Variants in KLHDC9 observed in about 807,000 individuals in gnomAD.
KLHDC9 encodes kelch domain-containing protein 9.
Under a neutral mutation model 31.5 loss-of-function variants are expected in KLHDC9, and 26 were observed. The observed-to-expected ratio is 0.83, with a 90% CI of 0.61 to 1.15. KLHDC9 has a LOEUF of 1.15. Ranked by LOEUF, KLHDC9 falls within the 50% of genes most tolerant of loss-of-function variation. KLHDC9 has a pLI of 0.00. For synonymous variants in KLHDC9, 176 were observed against 184.7 expected, an observed-to-expected ratio of 0.95 and a Z score of 0.38; for missense variants, 437 against 467.7, an observed-to-expected ratio of 0.93 and a Z score of 0.61.
rs78500642 is a variant in KLHDC9 at position 161,099,656 on chromosome 1, G to T, written c.746G>T (p.Gly249Val). Residue 249 changes from glycine to valine, a missense_variant, in exon 3 of 4, where the codon GGG (glycine) becomes GTG (valine). Transcript: ENST00000368011. ...CAGCTTGCAAGGCTTGTGAGCAGTG[G>T]GCAGGGGTCCCAGAAGGGGCCCCAT... ...MEQLARLVSS[G>V]QGSQKGPHGL... is the part of the protein sequence containing the mutation. 8.9e-5 allele frequency: 144 copies of T among 1,614,226 alleles called. No homozygotes were observed. The African/African-American group carries it at 1.6e-3, about 18-fold the overall frequency.
At position 161,100,215 on chromosome 1, in the gene KLHDC9, C is replaced by T. The variant is rs746808868; in HGVS notation, c.1041C>T (p.Asp347=). 6.2e-7 allele frequency: 1 copy of T among 1,614,072 alleles called. No homozygotes were observed. The highest frequency in any genetic ancestry group is 2.2e-5 in the East Asian group (1 of 44,884). Residue 347 remains aspartate, a synonymous_variant, in exon 4 of 4, where the codon GAC becomes GAT. Transcript: ENST00000368011. ...RTASPQVCIL[D]FI Reference sequence around the variant, plus strand: ...CCAGTCCACAGGTTTGCATCCTGGACTTTATCTAAATAGTGCCAAGACACA... The same window carrying T: ...CCAGTCCACAGGTTTGCATCCTGGATTTTATCTAAATAGTGCCAAGACACA...
intron 1 of KLHDC9, 126 bp downstream of exon 1, chr1:161,099,188 C>A: frequency 7.6e-7 from 1 of 1,320,040 alleles, no homozygotes; most frequent in Non-Finnish European, 1.1e-6. Context: ...GGGGAACCTA[C>A]CATGTTTAAG....
At position 161,099,072 on chromosome 1, in the gene KLHDC9, C is replaced by T. The variant is rs758525562; in HGVS notation, c.527+10C>T. ...GCGCCCGCACCTATTGGTATGGCAC[C>T]CTCCGCCCAAAACCTTTCACTCTCA... is the stretch of plus-strand genomic sequence containing the variant. On this transcript the variant is annotated intron_variant, in intron 1 of 3. Coordinates refer to ENST00000368011, the MANE Select transcript of KLHDC9 (RefSeq NM_152366.5). 6.9e-6 allele frequency: 11 copies of T among 1,594,516 alleles called. No individual in the cohort carries two copies. In the Admixed American group the frequency reaches 1.5e-4, roughly 22 times the overall value.
In KLHDC9 at chr1:161,099,043, C is replaced by T; in HGVS notation, c.508C>T (p.Pro170Ser). 1 of 1,597,014 alleles carries T rather than the reference C, an allele frequency of 6.3e-7. No homozygotes were observed. The highest frequency in any genetic ancestry group is 8.5e-7 in the Non-Finnish European group (1 of 1,179,004). Residue 170 changes from proline (P) to serine (S), a missense_variant, in exon 1 of 4, where the codon CCC becomes TCC. Transcript: ENST00000368011. Reference sequence around the variant, plus strand: ...AAGCATCTACACATTAAGGCTGGACCCCAGCGCCCGCACCTATTGGTATGG... The same window carrying T: ...AAGCATCTACACATTAAGGCTGGACTCCAGCGCCCGCACCTATTGGTATGG... ...YGSIYTLRLD[P>S]SARTYCYKQE...
In KLHDC9 at chr1:161,098,463, G is replaced by T; in HGVS notation, c.-73G>T. Reference sequence around the variant, plus strand: ...GTTCCCGGGGAAGCCCGCGGAAGGCGAGGTGCCTGGCCTGCCATGTAGGGG... The same window carrying T: ...GTTCCCGGGGAAGCCCGCGGAAGGCTAGGTGCCTGGCCTGCCATGTAGGGG... On this transcript the variant is annotated 5_prime_UTR_variant, in exon 1 of 4. Coordinates refer to ENST00000368011, the MANE Select transcript of KLHDC9 (RefSeq NM_152366.5). The surrounding 1 kb of genome is among the most constrained non-coding windows in gnomAD (Gnocchi z 6.3). 7.6e-7 allele frequency: 1 copy of T among 1,324,494 alleles called. No homozygotes were observed. Among genetic ancestry groups the T allele is most frequent in the Non-Finnish European group, 1.0e-6 (1 of 1,001,780 alleles). 82.0% of individuals were successfully genotyped at this position (1,324,494 alleles called of 1,614,324 possible). A position where few individuals can be genotyped will look rare whatever the true frequency, so the allele number is the denominator to read the frequency against.
At position 161,098,734 on chromosome 1, in the gene KLHDC9, C is replaced by G; in HGVS notation, c.199C>G (p.Gln67Glu). ...DTVVFDPARG[Q>E]AVRLGARGSP... ...GGTGGTTTTCGACCCAGCTAGGGGC[C>G]AGGCCGTACGATTGGGAGCCCGGGG... Residue 67 changes from glutamine to glutamate, a missense_variant, in exon 1 of 4, where the codon CAG becomes GAG. Transcript: ENST00000368011. This position sits in a 1 kb window ranked among gnomAD's most constrained non-coding sequence, Gnocchi z 6.3. 1 of 1,609,922 alleles carries G rather than the reference C, an allele frequency of 6.2e-7. No homozygotes were observed. Among genetic ancestry groups the G allele is most frequent in the Non-Finnish European group, 8.5e-7 (1 of 1,177,992 alleles).
In KLHDC9 at chr1:161,099,471, A is replaced by T. The variant is rs1206346615; in HGVS notation, c.653A>T (p.Glu218Val). ...LFGGCNLAEP[E>V]VAGHWSHGKI... ...GGAGGTTGCAACTTAGCTGAACCAG[A>T]AGTAGCTGGGCATTGGAGTCATGGG... Residue 218 changes from glutamate (E) to valine (V), a missense_variant, in exon 2 of 4, where the codon GAA becomes GTA. Physicochemically the swap from Glu to Val is moderately radical, Grantham distance 121. Transcript: ENST00000368011. 7 of 1,614,106 alleles carry T rather than the reference A, an allele frequency of 4.3e-6. No individual in the cohort carries two copies. The African/African-American group carries it at 9.3e-5, about 22-fold the overall frequency.
rs1654518393 is a variant in KLHDC9 at position 161,100,281 on chromosome 1, A to G, written c.*57A>G. On this transcript the variant is annotated 3_prime_UTR_variant, in exon 4 of 4. Coordinates refer to ENST00000368011, the MANE Select transcript of KLHDC9 (RefSeq NM_152366.5). ...TTGTTTTGCTTTGTTGCAAACCTAT[A>G]AAGCGTTATCACCAGAGCTATCTGC... The G allele has an allele frequency of 3.9e-6, 6 of 1,523,372 alleles. No individual in the cohort carries two copies. Among genetic ancestry groups the G allele is most frequent in the African/African-American group, 1.4e-5 (1 of 73,252 alleles). The allele number at this position is 1,523,372 out of a possible 1,614,324, so 94.4% of individuals were successfully genotyped here. A position where few individuals can be genotyped will look rare whatever the true frequency, so the allele number is the denominator to read the frequency against.
chr1:161,100,013 G>A (rs776056256), intron 3 of KLHDC9, 48 bp from the exon 4 acceptor site: 5 of 1,601,698 alleles, frequency 3.1e-6, no homozygotes, highest in East Asian at 2.2e-5. Context: ...TTCTGTGAAT[G>A]ACAAAGTGCT....
intron 3 of KLHDC9, 36 bp downstream of exon 3, chr1:161,099,832 T>A: frequency 6.4e-7 from 1 of 1,558,238 alleles, no homozygotes; most frequent in Non-Finnish European, 8.8e-7. Flanking sequence ...GGGGGGAAGG[T>A]GGGAAGATGG....
chr1:161,099,146 A>G (rs770398439), intron 1 of KLHDC9, 84 bp downstream of exon 1: 1 of 1,450,070 alleles, frequency 6.9e-7, no homozygotes, highest in South Asian at 1.2e-5. Flanking sequence ...CAGGCAATTT[A>G]TCCACCTCCT....
rs758413482 is a variant in KLHDC9, at chr1:161,098,499, G to A, written c.-37G>A. 5 of 1,499,778 alleles carry A rather than the reference G, an allele frequency of 3.3e-6. No homozygotes were observed. Among genetic ancestry groups the A allele is most frequent in the Non-Finnish European group, 3.6e-6 (4 of 1,121,684 alleles). 92.9% of individuals were successfully genotyped at this position (1,499,778 alleles called of 1,614,324 possible). A position where few individuals can be genotyped will look rare whatever the true frequency, so the allele number is the denominator to read the frequency against. ...CCTGCCATGTAGGGGCTCGTTCCAA[G>A]CCGCAGACCCCACCGCCCTCCCTCT... On this transcript the variant is annotated 5_prime_UTR_variant, in exon 1 of 4. Coordinates refer to ENST00000368011, the MANE Select transcript of KLHDC9 (RefSeq NM_152366.5). This position sits in a 1 kb window ranked among gnomAD's most constrained non-coding sequence, Gnocchi z 6.3.
At position 161,099,406 on chromosome 1, in the gene KLHDC9, A is replaced by C. The variant is rs1654466701; in HGVS notation, c.588A>C (p.Gln196His). ...CAGGTCACTGTGCGGCCCTGCTCCA[A>C]ACTCCTGGACCCCATCCAGGTCATC... ...SRSGHCAALL[Q>H]TPGPHPGHQL... is the part of the protein sequence containing the mutation. The change falls in exon 2 of 4, where the codon CAA becomes CAC. Residue 196 changes from glutamine to histidine, a missense_variant. Coordinates refer to ENST00000368011, the MANE Select transcript of KLHDC9 (RefSeq NM_152366.5). The C allele has an allele frequency of 1.2e-6, 2 of 1,614,076 alleles. No individual in the cohort carries two copies. Among genetic ancestry groups the C allele is most frequent in the Non-Finnish European group, 8.5e-7 (1 of 1,180,036 alleles).
chr1:161,099,427 T>G lies in KLHDC9; in HGVS notation c.609T>G (p.Gly203=). 1.2e-6 allele frequency: 2 copies of G among 1,614,202 alleles called. No individual in the cohort carries two copies. Among genetic ancestry groups the G allele is most frequent in the Middle Eastern group, 1.6e-4 (1 of 6,062 alleles). The change falls in exon 2 of 4, where the codon GGT becomes GGG. Residue 203 remains glycine (G), a synonymous_variant. Coordinates refer to ENST00000368011, the MANE Select transcript of KLHDC9 (RefSeq NM_152366.5). ...ALLQTPGPHP[G]HQLLLFGGCN... is the part of the protein sequence containing the mutation. ...TCCAAACTCCTGGACCCCATCCAGGTCATCAGCTATTGCTCTTTGGAGGTT... is the reference window on the plus strand; with the variant it reads ...TCCAAACTCCTGGACCCCATCCAGGGCATCAGCTATTGCTCTTTGGAGGTT...
chr1:161,099,346 CT>C lies in KLHDC9; in HGVS notation c.529del (p.Tyr177ThrfsTer38). 6.2e-7 allele frequency: 1 copy of C among 1,614,188 alleles called. No homozygotes were observed. The highest frequency in any genetic ancestry group is 8.5e-7 in the Non-Finnish European group (1 of 1,180,016). On this transcript the variant is annotated frameshift_variant and splice_region_variant, in exon 2 of 4. Transcript: ENST00000368011. LOFTEE classifies it high-confidence loss of function. ...GCCCTGAATTTCTGCATGTCCACAG[CT>C]ACAAGCAAGAAGGCTGCCACACAGC... ...RLDPSARTYC[Y>X]KQEGCHTASR... is the part of the protein sequence containing the mutation.
chr1:161,098,658 T>C lies in KLHDC9; in HGVS notation c.123T>C (p.Tyr41=), dbSNP rs759403130. The C allele has an allele frequency of 6.2e-7, 1 of 1,613,052 alleles. No individual in the cohort carries two copies. Among genetic ancestry groups the C allele is most frequent in the East Asian group, 2.2e-5 (1 of 44,838 alleles). Residue 41 remains tyrosine, a synonymous_variant, in exon 1 of 4, where the codon TAT becomes TAC. Coordinates refer to ENST00000368011, the MANE Select transcript of KLHDC9 (RefSeq NM_152366.5). The surrounding 1 kb of genome is among the most constrained non-coding windows in gnomAD (Gnocchi z 6.3). ...GCACCGAACTGCGGGGACGGTTCTA[T>C]CTCGTAGGTGGTCTCCTAGCAGGAG... ...HSCTELRGRF[Y]LVGGLLAGGA... is the part of the protein sequence containing the mutation.
intron 3 of KLHDC9, 74 bp downstream of exon 3, chr1:161,099,870 T>C: frequency 6.9e-7 from 1 of 1,445,370 alleles, no homozygotes; most frequent in Admixed American, 1.7e-5. Context: ...AGAAAGAGGA[T>C]GGAGTGATGG....
In KLHDC9 at chr1:161,099,049, G is replaced by C. The variant is rs761142789; in HGVS notation, c.514G>C (p.Ala172Pro). The C allele has an allele frequency of 6.3e-7, 1 of 1,596,316 alleles. No individual in the cohort carries two copies. Among genetic ancestry groups the C allele is most frequent in the South Asian group, 1.1e-5 (1 of 90,546 alleles). The change falls in exon 1 of 4, where the codon GCC becomes CCC. Residue 172 changes from alanine to proline, a missense_variant. Ala to Pro is a conservative substitution (Grantham distance 27, BLOSUM62 -1). Coordinates refer to ENST00000368011, the MANE Select transcript of KLHDC9 (RefSeq NM_152366.5). The stretch of plus-strand genomic sequence containing the variant: ...CTACACATTAAGGCTGGACCCCAGC[G>C]CCCGCACCTATTGGTATGGCACCCT... ...SIYTLRLDPS[A>P]RTYCYKQEGC...
Position 161,098,999 on chromosome 1 carries a change from A to G in KLHDC9, c.464A>G (p.His155Arg). 1 of 1,595,034 alleles carries G rather than the reference A, an allele frequency of 6.3e-7. No individual in the cohort carries two copies. The highest frequency in any genetic ancestry group is 8.5e-7 in the Non-Finnish European group (1 of 1,177,922). The part of the protein sequence containing the change: ...LQVAGREGGI[H>R]TQRRYGSIYT... Reference sequence around the variant, plus strand: ...GTGGCTGGCCGGGAGGGCGGTATCCACACTCAGCGACGCTATGGAAGCATC... The same window carrying G: ...GTGGCTGGCCGGGAGGGCGGTATCCGCACTCAGCGACGCTATGGAAGCATC... Residue 155 changes from histidine to arginine, a missense_variant, in exon 1 of 4, where the codon CAC becomes CGC. His to Arg is a conservative substitution (Grantham distance 29). Coordinates refer to ENST00000368011, the MANE Select transcript of KLHDC9 (RefSeq NM_152366.5). This position sits in a 1 kb window ranked among gnomAD's most constrained non-coding sequence, Gnocchi z 6.3.
Sources: gnomAD v4.1 joint callset for allele counts on GRCh38, gnomAD v4.1.1 for gene constraint, Gnocchi (gnomAD v3.1) non-coding constraint, MANE v1.5 for transcripts, NCBI Gene and HGNC (gene_info 2026-07-23, HGNC 2026-07-21) for gene names.